EEF1AKMT4: variants seen among roughly 807,000 people sequenced by gnomAD.
EEF1AKMT4 encodes EEF1A lysine methyltransferase 4, also known as eukaryotic translation elongation factor 1 alpha lysine specific methyltransferase 4.
A neutral mutation model predicts 23.0 loss-of-function variants in EEF1AKMT4; 17 were observed. The observed-to-expected ratio is 0.74, with a 90% CI of 0.51 to 1.11. EEF1AKMT4 has a LOEUF of 1.11. EEF1AKMT4 is among the 50% of genes least tolerant of loss of function. EEF1AKMT4 has a pLI of 0.00. For missense variants in EEF1AKMT4, 318 were observed against 333.4 expected (o/e 0.95, Z 0.36); for synonymous variants, 140 against 141.4 (o/e 0.99, Z 0.07).
At chr3:184,258,177 C>T (rs1719898399) in intron 2 of EEF1AKMT4, 111 bp from the exon 3 acceptor site, 6 of 1,024,170 alleles carry the variant, frequency 5.9e-6, no homozygotes, top group East Asian at 4.8e-5. Flanking sequence ...GCCTGAGCTA[C>T]AGATGTGGGG....
intron 1 of EEF1AKMT4, among the ~76,000 whole-genome samples, chr3:184,253,629 C>A (rs1392901906): frequency 6.6e-6 from 1 of 150,710 alleles, no homozygotes; most frequent in African/African-American, 2.4e-5. Flanking sequence ...CCACTTTCCT[C>A]AATTTTCCCA....
intron 1 of EEF1AKMT4, 112 bp downstream of exon 1, chr3:184,250,002 C>T: frequency 2.5e-6 from 3 of 1,198,652 alleles, no homozygotes; most frequent in East Asian, 4.9e-5. Context: ...AGGACGCCTG[C>T]GTTGGGACGC....
At chr3:184,256,034 A>G (rs992634895) in intron 1 of EEF1AKMT4, among the ~76,000 whole-genome samples, 27 of 152,190 alleles carry the variant, frequency 1.8e-4, no homozygotes, top group African/African-American at 6.3e-4. Context: ...CTATAATTCC[A>G]GCACTTTGGG....
At position 184,249,805 on chromosome 3, in the gene EEF1AKMT4, C is replaced by T. The variant is rs1355924954; in HGVS notation, c.111C>T (p.Ala37=). 1.2e-6 allele frequency: 2 copies of T among 1,613,296 alleles called. No homozygotes were observed. The highest frequency in any genetic ancestry group is 2.7e-5 in the African/African-American group (2 of 74,952). ...DQRYQGAADS[A]PYDWFGDFSS... ...GCTACCAAGGCGCAGCCGATTCTGCCCCCTACGATTGGTTCGGGGACTTCT... is the reference window on the plus strand; with the variant it reads ...GCTACCAAGGCGCAGCCGATTCTGCTCCCTACGATTGGTTCGGGGACTTCT... Residue 37 remains alanine (A), a synonymous_variant, in exon 1 of 3, where the codon GCC becomes GCT. Transcript: ENST00000324557.
chr3:184,250,243 A>T (rs553259098), intron 1 of EEF1AKMT4, among the ~76,000 whole-genome samples: 1 of 152,382 alleles, frequency 6.6e-6, no homozygotes, highest in Admixed American at 6.5e-5. Context: ...AGGACAAGTC[A>T]TGAACCCGTT....
In EEF1AKMT4 at chr3:184,258,297, G is replaced by A. The variant is rs369283500; in HGVS notation, c.490G>A (p.Val164Met). Residue 164 changes from valine to methionine, a missense_variant, in exon 3 of 3, where the codon GTG (valine) becomes ATG (methionine). Physicochemically the swap from Val to Met is conservative, Grantham distance 21. Transcript: ENST00000324557. ...TCTGTCTGCCTTGCAGGTGAGCCGC[G>A]TGCTTGTCCCTGGAGGCCGGTTTAT... Reference protein sequence around the residue: ...VDQVLSEVSRVLVPGGRFISM... With the variant: ...VDQVLSEVSRMLVPGGRFISM... 40 of 1,611,092 alleles carry A rather than the reference G, an allele frequency of 2.5e-5. No homozygotes were observed. Among genetic ancestry groups the A allele is most frequent in the African/African-American group, 8.0e-5 (6 of 74,828 alleles).
intron 1 of EEF1AKMT4, among the ~76,000 whole-genome samples, chr3:184,250,221 C>G (rs1420122136): frequency 6.6e-6 from 1 of 152,222 alleles, no homozygotes; most frequent in African/African-American, 2.4e-5. Context: ...CGCTAATTGA[C>G]TTGTAAAACT....
chr3:184,249,766 G>A lies in EEF1AKMT4; in HGVS notation c.72G>A (p.Glu24=). Residue 24 remains glutamate (E), a synonymous_variant, in exon 1 of 3, where the codon GAG becomes GAA. Coordinates refer to ENST00000324557, the MANE Select transcript of EEF1AKMT4 (RefSeq NM_032331.4). ...GGAACTGCGGGTACCGCGAAGTCGA[G>A]TACTGGGATCAGCGCTACCAAGGCG... is the stretch of plus-strand genomic sequence containing the variant. ...PERNCGYREV[E]YWDQRYQGAA... 5.0e-6 allele frequency: 8 copies of A among 1,613,292 alleles called. No individual in the cohort carries two copies. Among genetic ancestry groups the A allele is most frequent in the Non-Finnish European group, 6.8e-6 (8 of 1,180,010 alleles).
intron 1 of EEF1AKMT4, among the ~76,000 whole-genome samples, chr3:184,256,912 C>T (rs1719833402): frequency 6.6e-6 from 1 of 152,066 alleles, no homozygotes; most frequent in Non-Finnish European, 1.5e-5. Flanking sequence ...TCAGGTGACC[C>T]GCCCTCCTCG....
chr3:184,257,539 A>C lies in EEF1AKMT4; in HGVS notation c.263A>C (p.Asp88Ala). ...LGGFPNVTSV[D>A]YSSVVVAAMQ... ...GGCTTCCCTAATGTGACCAGTGTGGACTACTCATCAGTCGTGGTGGCTGCC... is the reference window on the plus strand; with the variant it reads ...GGCTTCCCTAATGTGACCAGTGTGGCCTACTCATCAGTCGTGGTGGCTGCC... The change falls in exon 2 of 3, where the codon GAC (aspartate) becomes GCC (alanine). Residue 88 changes from aspartate (D) to alanine (A), a missense_variant. Coordinates refer to ENST00000324557, the MANE Select transcript of EEF1AKMT4 (RefSeq NM_032331.4). 6.2e-7 allele frequency: 1 copy of C among 1,614,126 alleles called. No homozygotes were observed. The highest frequency in any genetic ancestry group is 8.5e-7 in the Non-Finnish European group (1 of 1,180,024).
chr3:184,249,789 G>A lies in EEF1AKMT4; in HGVS notation c.95G>A (p.Gly32Asp), dbSNP rs201917583. 6.2e-6 allele frequency: 10 copies of A among 1,613,320 alleles called. No homozygotes were observed. Among genetic ancestry groups the A allele is most frequent in the Admixed American group, 1.7e-5 (1 of 60,028 alleles). Residue 32 changes from glycine (G) to aspartate (D), a missense_variant, in exon 1 of 3, where the codon GGC (glycine) becomes GAC (aspartate). Physicochemically the swap from Gly to Asp is moderately conservative, Grantham distance 94 (BLOSUM62 -1). Transcript: ENST00000324557. ...EVEYWDQRYQ[G>D]AADSAPYDWF... ...GAGTACTGGGATCAGCGCTACCAAG[G>A]CGCAGCCGATTCTGCCCCCTACGAT...
At chr3:184,249,925 C>G in intron 1 of EEF1AKMT4, 35 bp downstream of exon 1, 1 of 1,594,202 alleles carries the variant, frequency 6.3e-7, no homozygotes, top group Non-Finnish European at 8.6e-7. Flanking sequence ...CCAGGTAGAG[C>G]TGGCAGGACC....
Position 184,257,656 on chromosome 3 carries a change from T to C in EEF1AKMT4, c.380T>C (p.Val127Ala), listed in dbSNP as rs74351089. The C allele has an allele frequency of 2.5e-3, 4,091 of 1,614,206 alleles. 83 individuals carry two copies. In the African/African-American group the frequency reaches 0.044, roughly 17 times the overall value. The change falls in exon 2 of 3, where the codon GTG becomes GCG. Residue 127 changes from valine (V) to alanine (A), a missense_variant. Coordinates refer to ENST00000324557, the MANE Select transcript of EEF1AKMT4 (RefSeq NM_032331.4). ...TTCCCCAGTGCTTCTTTTGATGTGG[T>C]GCTCGAGAAGGGCACGCTGGATGCC... is the stretch of plus-strand genomic sequence containing the variant. Reference protein sequence around the residue: ...LDFPSASFDVVLEKGTLDALL... With the variant: ...LDFPSASFDVALEKGTLDALL...
At chr3:184,249,941 C>T (rs1437551049) in intron 1 of EEF1AKMT4, 51 bp downstream of exon 1, 19 of 1,581,480 alleles carry the variant, frequency 1.2e-5, no homozygotes, top group Non-Finnish European at 1.6e-5. Flanking sequence ...GGACCGGCGC[C>T]GCATGGGCTT....
At chr3:184,256,682 T>C (rs1719822814) in intron 1 of EEF1AKMT4, among the ~76,000 whole-genome samples, 1 of 151,970 alleles carries the variant, frequency 6.6e-6, no homozygotes, top group Non-Finnish European at 1.5e-5. Flanking sequence ...TTTTTTTTCT[T>C]TTTTTGAGAC....
intron 1 of EEF1AKMT4, among the ~76,000 whole-genome samples, chr3:184,256,763 C>T (rs1434116379): frequency 1.3e-5 from 2 of 151,698 alleles, no homozygotes; most frequent in African/African-American, 4.8e-5. Context: ...CTCCGCCTCC[C>T]GGGTTCAAGC....
intron 1 of EEF1AKMT4, among the ~76,000 whole-genome samples, chr3:184,254,012 A>C (rs1719682158): frequency 6.6e-6 from 1 of 152,208 alleles, no homozygotes; most frequent in Non-Finnish European, 1.5e-5. Flanking sequence ...GTAAACTGAA[A>C]TAATTCTTAT....
intron 1 of EEF1AKMT4, among the ~76,000 whole-genome samples, chr3:184,250,105 T>A (rs149011446): frequency 6.6e-6 from 1 of 152,292 alleles, no homozygotes; most frequent in East Asian, 1.9e-4. Context: ...AGAAAGACAG[T>A]CCCTCAGAGT....
intron 2 of EEF1AKMT4, among the ~76,000 whole-genome samples, 180 bp from the exon 3 acceptor site, chr3:184,258,108 G>C (rs1021965014): frequency 6.6e-6 from 1 of 152,072 alleles, no homozygotes; most frequent in South Asian, 2.1e-4. Flanking sequence ...ATAGAATATA[G>C]CCCTAATCCC....
Sources: allele counts gnomAD v4.1 joint callset (sites outside exome capture counted in the v4.1 genomes callset), GRCh38; gene constraint gnomAD v4.1.1; transcripts MANE v1.5; gene names NCBI Gene and HGNC (gene_info 2026-07-23, HGNC 2026-07-21).